The following RNF213 variants were observed in gnomAD, a reference collection of about 807,000 sequenced individuals.
RNF213 encodes E3 ubiquitin-protein ligase RNF213.
In RNF213, 341 loss-of-function variants were observed where a neutral mutation model predicts 514.4. The ratio of observed to expected loss-of-function variants is 0.66; its 90% CI spans 0.61 to 0.73. The LOEUF is 0.73. Among genes scored for constraint, RNF213 ranks in the 30% least tolerant of loss-of-function variants. RNF213 has a pLI of 0.00. For missense variants in RNF213, 5,767 were observed against 6,615.6 expected (o/e 0.87, Z 4.45); for synonymous variants, 2,655 against 2,658.2 (o/e 1.00, Z 0.04).
chr17:80,384,849 C>A, intron 59 of RNF213, 190 bp from the exon 60 acceptor site: 1 of 666,700 alleles, frequency 1.5e-6, no homozygotes, highest in Non-Finnish European at 2.7e-6. Context: ...CCATTTCTAG[C>A]ACACTGCACT....
At position 80,379,802 on chromosome 17, in the gene RNF213, A is replaced by G. The variant is rs561297840; in HGVS notation, c.13640+88A>G. ...TCCAGCTGATAAAGTGATACTCAAG[A>G]TAGTACTAATTACTCCAGTACATGT... On this transcript the variant is annotated intron_variant, in intron 55 of 67. Transcript: ENST00000582970. 3.5e-5 allele frequency: 37 copies of G among 1,056,252 alleles called. No homozygotes were observed. The African/African-American group carries it at 5.1e-4, about 15-fold the overall frequency. The allele number at this position is 1,056,252 out of a possible 1,614,324, so 65.4% of individuals were successfully genotyped here.
chr17:80,367,596 A>G (rs2079327510), intron 42 of RNF213, 152 bp from the exon 43 acceptor site: 2 of 652,086 alleles, frequency 3.1e-6, no homozygotes, highest in African/African-American at 1.8e-5. Context: ...TCAGAGTTCA[A>G]GCGTTAAACA....
intron 3 of RNF213, chr17:80,278,976 C>T (rs534579403): frequency 6.6e-5 from 101 of 1,523,338 alleles, no homozygotes; most frequent in South Asian, 4.0e-4. Context: ...CAGCCTGGCA[C>T]GGCCACCTCG....
At chr17:80,266,206 C>A (rs1182521119) in intron 2 of RNF213, among the ~76,000 whole-genome samples, 7 of 151,462 alleles carry the variant, frequency 4.6e-5, no homozygotes, top group Non-Finnish European at 1.0e-4. Context: ...CTTTGGGAGG[C>A]CGAGGTGAGT....
At chr17:80,314,130 G>T (rs1568053148) in intron 15 of RNF213, among the ~76,000 whole-genome samples, 1 of 125,638 alleles carries the variant, frequency 8.0e-6, no homozygotes, top group Non-Finnish European at 1.7e-5. Context: ...GAAGGTGATG[G>T]TGGAGGTACT....
intron 23 of RNF213, 155 bp from the exon 24 acceptor site, chr17:80,337,431 C>T: frequency 1.1e-6 from 1 of 910,332 alleles, no homozygotes; most frequent in Non-Finnish European, 1.6e-6. Context: ...CCTGGTCCAG[C>T]TGGGGCGCTG....
intron 15 of RNF213, among the ~76,000 whole-genome samples, chr17:80,315,352 C>T (rs143426057): frequency 5.3e-4 from 29 of 54,964 alleles, no homozygotes; most frequent in Non-Finnish European, 7.1e-4. Context: ...GAGGTGATGG[C>T]GGTCGTGGAG....
Position 80,295,859 on chromosome 17 carries a change from A to G in RNF213, c.2012+46A>G, listed in dbSNP as rs755516180. 12 of 1,602,158 alleles carry G rather than the reference A, an allele frequency of 7.5e-6. No individual in the cohort carries two copies. The South Asian group carries it at 8.8e-5, about 12-fold the overall frequency. On this transcript the variant is annotated intron_variant, in intron 10 of 67. Transcript: ENST00000582970. ...AATGTTTTTTATAGCTATTATAATG[A>G]TTTTCTCTGATTGCAAAAATAAGTG...
chr17:80,290,896 G>A lies in RNF213; in HGVS notation c.1271+168G>A, dbSNP rs146716838. ...ACCATCTCAGCTCACTGCAGCCTCC[G>A]CCTCCTGGGTTCAAGCGATTCTCAT... On this transcript the variant is annotated intron_variant, in intron 7 of 67. Coordinates refer to ENST00000582970, the MANE Select transcript of RNF213 (RefSeq NM_001256071.3). Among the ~76,000 whole-genome samples the A allele has an allele frequency of 9.6e-3, 1,447 of 151,456 alleles. 33 individuals carry two copies. The highest frequency in any genetic ancestry group is 0.034 in the African/African-American group (1,384 of 41,214).
At position 80,391,395 on chromosome 17, in the gene RNF213, C is replaced by T. The variant is rs562630100; in HGVS notation, c.15470+1199C>T. On this transcript the variant is annotated intron_variant, in intron 67 of 67. Transcript: ENST00000582970. The stretch of plus-strand genomic sequence containing the variant: ...AATCGATTCTCCTGCCTTAGCCTCC[C>T]TAGTAGCTGGGATTACAGGTGCCAA... 1.2e-4 allele frequency among the ~76,000 whole-genome samples: 18 copies of T among 152,224 alleles called. No homozygotes were observed. In the East Asian group the frequency reaches 2.7e-3, roughly 23 times the overall value.
Position 80,374,500 on chromosome 17 carries a change from G to T in RNF213, c.12985G>T (p.Val4329Leu). The T allele has an allele frequency of 6.2e-7, 1 of 1,614,228 alleles. No individual in the cohort carries two copies. Among genetic ancestry groups the T allele is most frequent in the Non-Finnish European group, 8.5e-7 (1 of 1,180,042 alleles). ...DHPGQMDRYL[V>L]YGDEYKALRD... ...CCCAGGCCAGATGGATAGGTACCTG[G>T]TGTACGGCGATGAATACAAGGCTCT... is the stretch of plus-strand genomic sequence containing the variant. The change falls in exon 50 of 68, where the codon GTG (valine) becomes TTG (leucine). Residue 4329 changes from valine (V) to leucine (L), a missense_variant. Around this residue, in one of 13 missense-constraint regions of RNF213, gnomAD observed 1,245 missense variants for 1,339.0 expected, o/e 0.93. Transcript: ENST00000582970.
chr17:80,360,401 C>G lies in RNF213; in HGVS notation c.11200+195C>G, dbSNP rs1210543453. On this transcript the variant is annotated intron_variant, in intron 38 of 67. Coordinates refer to ENST00000582970, the MANE Select transcript of RNF213 (RefSeq NM_001256071.3). The stretch of plus-strand genomic sequence containing the variant: ...AAGTTTCTGCTGAAGGAGTGAGAGG[C>G]CCCGGCGGGACCAGAAACCTTTCGA... The G allele has an allele frequency of 3.2e-5, 21 of 654,902 alleles. No individual in the cohort carries two copies. In the Admixed American group the frequency reaches 4.9e-4, roughly 15 times the overall value. 40.6% of individuals were successfully genotyped at this position (654,902 alleles called of 1,614,324 possible).
chr17:80,305,673 G>C (rs1350648256), intron 11 of RNF213, among the ~76,000 whole-genome samples: 1 of 150,074 alleles, frequency 6.7e-6, no homozygotes, highest in Admixed American at 6.6e-5. Context: ...GTGCAGTGGC[G>C]TGATCTCGGC....
Position 80,353,547 on chromosome 17 carries a change from G to A in RNF213, c.10459G>A (p.Glu3487Lys). 1 of 1,613,750 alleles carries A rather than the reference G, an allele frequency of 6.2e-7. No individual in the cohort carries two copies. The highest frequency in any genetic ancestry group is 1.1e-5 in the South Asian group (1 of 91,002). ...LEHRAEDGHEEAMETEASTSG... is the reference protein window; with the variant it reads ...LEHRAEDGHEKAMETEASTSG... ...ACACCGGGCGGAAGACGGCCATGAG[G>A]AGGCGATGGAGACGGAGGCCAGCAC... The change falls in exon 34 of 68, where the codon GAG becomes AAG. Residue 3487 changes from glutamate (E) to lysine (K), a missense_variant. Around this residue, in one of 13 missense-constraint regions of RNF213, gnomAD observed 919 missense variants for 1,121.0 expected, o/e 0.82. Coordinates refer to ENST00000582970, the MANE Select transcript of RNF213 (RefSeq NM_001256071.3). The surrounding 1 kb of genome is among the most constrained non-coding windows in gnomAD (Gnocchi z 5.0).
Position 80,389,356 on chromosome 17 carries a change from C to A in RNF213, c.15184C>A (p.His5062Asn). The A allele has an allele frequency of 6.2e-7, 1 of 1,614,050 alleles. No individual in the cohort carries two copies. Among genetic ancestry groups the A allele is most frequent in the Non-Finnish European group, 8.5e-7 (1 of 1,179,968 alleles). ...DILQMGDQTI[H>N]VLKALNRCQL... The stretch of plus-strand genomic sequence containing the variant: ...CCTGCAAATGGGTGATCAGACGATT[C>A]ACGTGTTAAAGGTGGGTCTCACACC... The change falls in exon 65 of 68, where the codon CAC (histidine) becomes AAC (asparagine). Residue 5062 changes from histidine to asparagine, a missense_variant. By Grantham distance (68) the His-to-Asn change is moderately conservative. This residue lies in a region of RNF213 where 1,245 missense variants were observed against 1,339.0 expected (regional missense o/e 0.93). Coordinates refer to ENST00000582970, the MANE Select transcript of RNF213 (RefSeq NM_001256071.3).
At chr17:80,331,027 C>T (rs2047015551) in intron 20 of RNF213, among the ~76,000 whole-genome samples, 1 of 152,192 alleles carries the variant, frequency 6.6e-6, no homozygotes, top group African/African-American at 2.4e-5. Flanking sequence ...TCATGTTGGC[C>T]AGGCTGGTCT....
At chr17:80,278,076 A>G (rs1038948764) in intron 3 of RNF213, among the ~76,000 whole-genome samples, 8 of 152,216 alleles carry the variant, frequency 5.3e-5, no homozygotes, top group Non-Finnish European at 1.0e-4. Context: ...TGGAGAGGCT[A>G]CTGGGCTTGG....
rs895740587 is a variant in RNF213, at chr17:80,282,915, C to G, written c.262-4900C>G. Among the ~76,000 whole-genome samples the G allele has an allele frequency of 7.3e-5, 11 of 150,816 alleles. No homozygotes were observed. In the East Asian group the frequency reaches 1.8e-3, roughly 24 times the overall value. On this transcript the variant is annotated intron_variant, in intron 3 of 67. Transcript: ENST00000582970. ...GTTTCCCCATGTTGGCCAGGCTGGTCTCGAACTCCTGACCTCAGGTGATCC... is the reference window on the plus strand; with the variant it reads ...GTTTCCCCATGTTGGCCAGGCTGGTGTCGAACTCCTGACCTCAGGTGATCC...
chr17:80,397,977 C>T lies in RNF213; in HGVS notation c.*4479C>T, dbSNP rs933889578. 2 of 149,404 alleles carry T rather than the reference C, an allele frequency of 1.3e-5. No individual in the cohort carries two copies. Among genetic ancestry groups the T allele is most frequent in the South Asian group, 2.3e-4 (1 of 4,356 alleles). 9.3% of individuals were successfully genotyped at this position (149,404 alleles called of 1,614,324 possible). A position where few individuals can be genotyped will look rare whatever the true frequency, so the allele number is the denominator to read the frequency against. Reference sequence around the variant, plus strand: ...GCCAGAGCAGTGTGTAGCAGGCCCCCGAGGAGGATCAACGCAGTGGCTGAA... The same window carrying T: ...GCCAGAGCAGTGTGTAGCAGGCCCCTGAGGAGGATCAACGCAGTGGCTGAA... On this transcript the variant is annotated 3_prime_UTR_variant, in exon 68 of 68. Transcript: ENST00000582970.
Sources: gnomAD v4.1 joint callset for allele counts (sites outside exome capture counted in the v4.1 genomes callset) on GRCh38, gnomAD v4.1.1 for gene constraint, gnomAD v4.1.1 regional missense constraint, Gnocchi (gnomAD v3.1) non-coding constraint, MANE v1.5 for transcripts, NCBI Gene and HGNC (gene_info 2026-07-23, HGNC 2026-07-21) for gene names.